Variants in H2BC12 observed in about 807,000 individuals in gnomAD.
H2BC12 encodes histone H2B type 1-K.
In H2BC12, 6 loss-of-function variants were observed where a neutral mutation model predicts 6.3. The ratio of observed to expected loss-of-function variants is 0.95; its 90% CI spans 0.52 to 1.87. The LOEUF (loss-of-function observed/expected upper bound fraction) is 1.87, where lower values mean the gene tolerates loss of function less well. Ranked by LOEUF, H2BC12 falls within the 40% of genes most tolerant of loss-of-function variation. The pLI, the probability that H2BC12 is intolerant of heterozygous loss-of-function variation, is 0.01. For missense variants in H2BC12, 119 were observed against 178.4 expected (o/e 0.67, Z 1.90); for synonymous variants, 132 against 78.5 (o/e 1.68, Z -3.60).
downstream of H2BC12, among the ~76,000 whole-genome samples, chr6:27,144,159 G>C (rs886508900): frequency 2.0e-5 from 3 of 152,024 alleles, no homozygotes. Flanking sequence ...ATTCCTTCAA[G>C]CTGTTAAATT....
chr6:27,139,536 C>A, the H2BC12 span: 1 of 1,614,198 alleles, frequency 6.2e-7, no homozygotes, highest in East Asian at 2.2e-5. Flanking sequence ...ACACGGAGCA[C>A]GCCAAGCGCA....
rs201471590 is a variant in H2BC12 at position 27,146,416 on chromosome 6, G to A, written c.*2C>T. The A allele has an allele frequency of 1.8e-4, 294 of 1,614,114 alleles. 1 individual carries two copies. The highest frequency in any genetic ancestry group is 6.5e-4 in the Admixed American group (39 of 59,996). ...GGGCTTTAAGACGCTTACTTGGCAA[G>A]TTTACTTAGCGCTGGTGTACTTGGT... On this transcript the variant is annotated 3_prime_UTR_variant, in exon 1 of 1. Coordinates refer to ENST00000356950, the MANE Select transcript of H2BC12 (RefSeq NM_001312653.2).
chr6:27,146,830 A>G lies in H2BC12; in HGVS notation c.-32T>C. The G allele has an allele frequency of 6.2e-7, 1 of 1,605,710 alleles. No individual in the cohort carries two copies. Among genetic ancestry groups the G allele is most frequent in the Non-Finnish European group, 8.5e-7 (1 of 1,176,252 alleles). On this transcript the variant is annotated 5_prime_UTR_variant, in exon 1 of 1. Transcript: ENST00000356950. ...GGCGAACTACGAGCCTGAGACGAGC[A>G]GCAGATCGAGAAAACGGGAAGTAAT... is the stretch of plus-strand genomic sequence containing the variant.
chr6:27,141,828 T>TG (rs1385664100), downstream of H2BC12, among the ~76,000 whole-genome samples: 2 of 152,238 alleles, frequency 1.3e-5, no homozygotes, highest in African/African-American at 4.8e-5. Context: ...TAGGTGGTGA[T>TG]GCCAGAAGGA....
At chr6:27,139,287 T>G in the H2BC12 span, 2 of 1,581,304 alleles carry the variant, frequency 1.3e-6, no homozygotes, top group Non-Finnish European at 1.7e-6. Flanking sequence ...GCAGCAGACC[T>G]TTGTTCTCTG....
chr6:27,139,274 C>G, the H2BC12 span: 1 of 1,546,316 alleles, frequency 6.5e-7, no homozygotes, highest in Non-Finnish European at 8.7e-7. Context: ...GCTGCCATCA[C>G]AGGCAGCAGA....
At chr6:27,141,978 AT>A (rs1477904954), downstream of H2BC12, among the ~76,000 whole-genome samples, 1 of 152,230 alleles carries the variant, frequency 6.6e-6, no homozygotes, top group Non-Finnish European at 1.5e-5. Context: ...GTGTTTAATT[AT>A]ATCTTAATTA....
chr6:27,144,458 T>C (rs1275192952), downstream of H2BC12, among the ~76,000 whole-genome samples: 1 of 1,202 alleles, frequency 8.3e-4, no homozygotes, highest in Non-Finnish European at 2.0e-3. Context: ...TGAGACTCTG[T>C]CTGGGGGGGG....
chr6:27,141,050 GAA>G, the H2BC12 span, among the ~76,000 whole-genome samples: 925 of 140,352 alleles, frequency 6.6e-3, 6 homozygotes, highest in African/African-American at 0.02. Context: ...CAATCTGGGG[GAA>G]AAAAAAAAAA....
At chr6:27,142,212 T>C (rs1482919253), downstream of H2BC12, among the ~76,000 whole-genome samples, 1 of 152,226 alleles carries the variant, frequency 6.6e-6, no homozygotes, top group Non-Finnish European at 1.5e-5. Flanking sequence ...GTATTGACTA[T>C]ATGCTGAAAC....
At chr6:27,142,636 CTTTTTTTTTT>C (rs759784250), downstream of H2BC12, among the ~76,000 whole-genome samples, 2 of 100,292 alleles carry the variant, frequency 2.0e-5, no homozygotes, top group Non-Finnish European at 3.7e-5. Context: ...TCCCCCCCTC[CTTTTTTTTTT>C]TTTTTTTTTT....
At chr6:27,145,773 C>T (rs2113651380), downstream of H2BC12, among the ~76,000 whole-genome samples, 1 of 152,300 alleles carries the variant, frequency 6.6e-6, no homozygotes, top group Non-Finnish European at 1.5e-5. Flanking sequence ...TTTCATGTTC[C>T]GTTTCTTCAC....
chr6:27,139,506 G>A, the H2BC12 span: 1 of 1,612,768 alleles, frequency 6.2e-7, no homozygotes, highest in Non-Finnish European at 8.5e-7. Flanking sequence ...TGGAGAACGT[G>A]ATCCGGGACG....
chr6:27,142,500 G>T (rs961914966), downstream of H2BC12, among the ~76,000 whole-genome samples: 11 of 152,112 alleles, frequency 7.2e-5, no homozygotes, highest in African/African-American at 2.4e-4. Context: ...CTGACCTCAG[G>T]TCATCCGCCT....
chr6:27,142,895 A>G (rs923897546), downstream of H2BC12, among the ~76,000 whole-genome samples: 1 of 151,406 alleles, frequency 6.6e-6, no homozygotes, highest in Non-Finnish European at 1.5e-5. Flanking sequence ...TCGGCCTCCC[A>G]AAGTGCTGGG....
At chr6:27,139,772 G>A in the H2BC12 span, 2 of 1,282,074 alleles carry the variant, frequency 1.6e-6, no homozygotes, top group Non-Finnish European at 2.1e-6. Context: ...TTAACTCGAC[G>A]CCGAAAATGG....
chr6:27,146,835 A>G lies in H2BC12; in HGVS notation c.-37T>C, dbSNP rs774598165. The G allele has an allele frequency of 3.7e-6, 6 of 1,604,320 alleles. No homozygotes were observed. Among genetic ancestry groups the G allele is most frequent in the Non-Finnish European group, 5.1e-6 (6 of 1,175,554 alleles). On this transcript the variant is annotated 5_prime_UTR_variant, in exon 1 of 1. Transcript: ENST00000356950. Reference sequence around the variant, plus strand: ...ACTACGAGCCTGAGACGAGCAGCAGATCGAGAAAACGGGAAGTAATGGGAG... The same window carrying G: ...ACTACGAGCCTGAGACGAGCAGCAGGTCGAGAAAACGGGAAGTAATGGGAG...
At position 27,146,379 on chromosome 6, in the gene H2BC12, GC is replaced by G; in HGVS notation, c.*38del. On this transcript the variant is annotated 3_prime_UTR_variant, in exon 1 of 1. Coordinates refer to ENST00000356950, the MANE Select transcript of H2BC12 (RefSeq NM_001312653.2). ...GATAATTTAAGTGGCTCTTAAAAGA[GC>G]CTTTGGGGTTGGGCTTTAAGACGCT... 1.2e-6 allele frequency: 2 copies of G among 1,613,590 alleles called. No individual in the cohort carries two copies. The highest frequency in any genetic ancestry group is 2.2e-5 in the South Asian group (2 of 91,048).
downstream of H2BC12, among the ~76,000 whole-genome samples, chr6:27,146,147 T>G (rs1760074912): frequency 6.6e-6 from 1 of 152,340 alleles, no homozygotes. Flanking sequence ...GCACTTTCTG[T>G]TAACACAAGT....
Sources: allele counts gnomAD v4.1 joint callset (sites outside exome capture counted in the v4.1 genomes callset), GRCh38; gene constraint gnomAD v4.1.1; transcripts MANE v1.5; gene names NCBI Gene and HGNC (gene_info 2026-07-23, HGNC 2026-07-21).